NRXN1: variants seen among roughly 807,000 people sequenced by gnomAD.
The protein encoded by NRXN1 is neurexin-1.
Under a neutral mutation model 150.9 loss-of-function variants are expected in NRXN1, and 39 were observed. The ratio of observed to expected loss-of-function variants is 0.26; its 90% confidence interval spans 0.20 to 0.34. The LOEUF is 0.34. NRXN1 is among the 10% of genes least tolerant of loss of function. The pLI is 1.00. For synonymous variants in NRXN1, 924 were observed against 757.0 expected, an observed-to-expected ratio of 1.22 and a Z score of -3.62; for missense variants, 1,815 against 1,949.9, an observed-to-expected ratio of 0.93 and a Z score of 1.30.
chr2:50,592,538 T>C (rs1394639207), intron 8 of NRXN1, among the ~76,000 whole-genome samples: 1 of 152,172 alleles, frequency 6.6e-6, no homozygotes, highest in African/African-American at 2.4e-5. Flanking sequence ...TGGCAGGCAA[T>C]GAGTCAGGAG....
At chr2:50,218,490 C>CTTTTTTTTTTTTT (rs34919769) in intron 18 of NRXN1, among the ~76,000 whole-genome samples, 1 of 136,758 alleles carries the variant, frequency 7.3e-6, no homozygotes, top group African/African-American at 2.7e-5. Context: ...TTAGCACCTT[C>CTTTTTTTTTTTTT]TTTTTTTTTT....
chr2:50,639,565 C>CATCT (rs1244668691), intron 5 of NRXN1, among the ~76,000 whole-genome samples: 1 of 151,994 alleles, frequency 6.6e-6, no homozygotes, highest in Non-Finnish European at 1.5e-5. Flanking sequence ...TTTAAATGGA[C>CATCT]ATCTTTACAG....
At chr2:50,715,448 G>T (rs1695743867) in intron 5 of NRXN1, among the ~76,000 whole-genome samples, 1 of 152,078 alleles carries the variant, frequency 6.6e-6, no homozygotes, top group African/African-American at 2.4e-5. Flanking sequence ...TAAGAAACTG[G>T]ATGTAAAAGT....
intron 18 of NRXN1, among the ~76,000 whole-genome samples, chr2:50,154,445 T>C (rs549286226): frequency 1.1e-3 from 171 of 151,780 alleles, no homozygotes; most frequent in Admixed American, 1.8e-3. Context: ...ATAATATCTA[T>C]GAATTTTATA....
chr2:50,742,024 C>A (rs183642729), intron 5 of NRXN1, among the ~76,000 whole-genome samples: 7 of 151,650 alleles, frequency 4.6e-5, no homozygotes, highest in Non-Finnish European at 7.4e-5. Context: ...TAACTCACAA[C>A]CACAAAAAAT....
intron 5 of NRXN1, among the ~76,000 whole-genome samples, chr2:50,835,653 T>C (rs926275190): frequency 6.6e-6 from 1 of 152,194 alleles, no homozygotes; most frequent in African/African-American, 2.4e-5. Context: ...GATAATTATA[T>C]TAATCCTAAA....
chr2:50,696,808 G>A (rs1057500093), intron 5 of NRXN1, among the ~76,000 whole-genome samples: 4 of 152,102 alleles, frequency 2.6e-5, no homozygotes, highest in African/African-American at 9.7e-5. Context: ...ATACTACCAG[G>A]AGTCATAGAG....
At chr2:50,219,993 A>ATATATTT (rs1236547585) in intron 18 of NRXN1, among the ~76,000 whole-genome samples, 2 of 34,194 alleles carry the variant, frequency 5.8e-5, no homozygotes, top group African/African-American at 3.5e-4. Flanking sequence ...TATTATATAT[A>ATATATTT]ATATATATTA....
At chr2:50,177,266 C>T (rs961823680) in intron 18 of NRXN1, among the ~76,000 whole-genome samples, 1 of 152,088 alleles carries the variant, frequency 6.6e-6, no homozygotes, top group Non-Finnish European at 1.5e-5. Context: ...ACCATCCTCC[C>T]TTTTGGAGTT....
chr2:50,732,327 T>C (rs1399368714), intron 5 of NRXN1, among the ~76,000 whole-genome samples: 2 of 152,086 alleles, frequency 1.3e-5, no homozygotes, highest in Non-Finnish European at 2.9e-5. Flanking sequence ...CAACTCAATG[T>C]TCTCAGCCAA....
At chr2:50,548,586 C>G (rs1169568079) in intron 9 of NRXN1, among the ~76,000 whole-genome samples, 1 of 151,892 alleles carries the variant, frequency 6.6e-6, no homozygotes, top group African/African-American at 2.4e-5. Context: ...GTACTACTTA[C>G]ATGTTTTTAA....
At chr2:50,081,868 T>C (rs570243115) in intron 19 of NRXN1, among the ~76,000 whole-genome samples, 7 of 152,108 alleles carry the variant, frequency 4.6e-5, no homozygotes, top group Non-Finnish European at 8.8e-5. Flanking sequence ...TGTCATTGAG[T>C]TGGGAATGTG....
intron 8 of NRXN1, among the ~76,000 whole-genome samples, chr2:50,601,686 A>G (rs538478389): frequency 1.3e-5 from 2 of 152,264 alleles, no homozygotes; most frequent in South Asian, 4.1e-4. Flanking sequence ...TTTTTAGTGG[A>G]CTTTCTTAAG....
At position 50,447,736 on chromosome 2, in the gene NRXN1, G is replaced by T. The variant is rs970413285; in HGVS notation, c.3364+17706C>A. ...AAAATCACATAGTAAGCAGGGGAAC[G>T]TTATATATATATATATATATATATA... On this transcript the variant is annotated intron_variant, in intron 17 of 22. Coordinates refer to ENST00000401669, the MANE Select transcript of NRXN1 (RefSeq NM_001330078.2). Among the ~76,000 whole-genome samples the T allele has an allele frequency of 2.3e-3, 55 of 23,758 alleles. 1 individual carries two copies. The highest frequency in any genetic ancestry group is 3.1e-3 in the Non-Finnish European group (52 of 16,592). 15.6% of individuals were successfully genotyped at this position (23,758 alleles called of 152,430 possible). A position where few individuals can be genotyped will look rare whatever the true frequency, so the allele number is the denominator to read the frequency against.
chr2:50,521,747 G>A (rs1328062206), intron 12 of NRXN1, among the ~76,000 whole-genome samples: 2 of 152,172 alleles, frequency 1.3e-5, no homozygotes, highest in Non-Finnish European at 2.9e-5. Context: ...AAAGATGCTT[G>A]TGTAGAAAGC....
At chr2:50,727,830 G>T (rs189251096) in intron 5 of NRXN1, among the ~76,000 whole-genome samples, 1,756 of 152,246 alleles carry the variant, frequency 0.012, 21 homozygotes, top group Non-Finnish European at 0.016. Context: ...ATAGAGAAAG[G>T]TGGGTAGATG....
chr2:50,044,851 GA>G (rs1298275353), intron 21 of NRXN1, among the ~76,000 whole-genome samples: 2 of 152,084 alleles, frequency 1.3e-5, no homozygotes, highest in Admixed American at 6.5e-5. Flanking sequence ...AATTCTAAAT[GA>G]AAATTTTGTG....
At chr2:50,757,747 G>A (rs1179586723) in intron 5 of NRXN1, among the ~76,000 whole-genome samples, 1 of 151,666 alleles carries the variant, frequency 6.6e-6, no homozygotes. Flanking sequence ...AAAGTTGAGG[G>A]TTACAAGACT....
At chr2:50,348,020 G>A (rs2078169021) in intron 17 of NRXN1, among the ~76,000 whole-genome samples, 1 of 152,148 alleles carries the variant, frequency 6.6e-6, no homozygotes, top group African/African-American at 2.4e-5. Flanking sequence ...GAACTACAAT[G>A]GCAAATGGCA....
Sources: allele counts gnomAD v4.1 joint callset (sites outside exome capture counted in the v4.1 genomes callset), GRCh38; gene constraint gnomAD v4.1.1; transcripts MANE v1.5; gene names NCBI Gene and HGNC (gene_info 2026-07-23, HGNC 2026-07-21).